Variants in ERBB4 observed in about 807,000 individuals in gnomAD.
ERBB4 encodes erb-b2 receptor tyrosine kinase 4.
ERBB4 carries 42 observed loss-of-function variants against 158.0 expected under a neutral mutation model. That is an observed-to-expected ratio of 0.27 (90% CI 0.21 to 0.34). The LOEUF (loss-of-function observed/expected upper bound fraction) is 0.34, where lower values mean the gene tolerates loss of function less well. Ranked by LOEUF, ERBB4 falls within the 10% of genes least tolerant of loss-of-function variation. ERBB4 has a pLI of 1.00. For synonymous variants in ERBB4, 583 were observed against 558.7 expected (o/e 1.04, Z -0.61); for missense variants, 1,333 against 1,624.1 (o/e 0.82, Z 3.08).
intron 20 of ERBB4, among the ~76,000 whole-genome samples, chr2:211,492,670 A>G (rs1023637900): frequency 4.6e-5 from 7 of 152,170 alleles, no homozygotes; most frequent in African/African-American, 1.7e-4. Flanking sequence ...AAAGTACATT[A>G]TGAGACCTTT....
intron 3 of ERBB4, among the ~76,000 whole-genome samples, chr2:211,839,076 A>T (rs1326447712): frequency 6.6e-6 from 1 of 151,290 alleles, no homozygotes; most frequent in Non-Finnish European, 1.5e-5. Context: ...CTTTTTACAT[A>T]ATGTGTCCCA....
At chr2:212,462,675 A>T (rs1050021979) in intron 1 of ERBB4, among the ~76,000 whole-genome samples, 2 of 152,164 alleles carry the variant, frequency 1.3e-5, no homozygotes, top group Non-Finnish European at 2.9e-5. Flanking sequence ...TAGTACAGGC[A>T]TTATGGAACA....
At chr2:211,960,698 T>C (rs974808801) in intron 2 of ERBB4, 32 of 152,230 alleles carry the variant, frequency 2.1e-4, no homozygotes, top group African/African-American at 7.5e-4. Context: ...AGTGTCTTGC[T>C]ATGTTTTCAC....
intron 3 of ERBB4, among the ~76,000 whole-genome samples, chr2:211,800,673 A>C (rs956669534): frequency 1.3e-5 from 2 of 150,926 alleles, no homozygotes; most frequent in African/African-American, 2.5e-5. Context: ...AAAAAAAAAA[A>C]AAAAAAACCT....
At chr2:211,812,444 G>A (rs2076779936) in intron 3 of ERBB4, among the ~76,000 whole-genome samples, 1 of 152,186 alleles carries the variant, frequency 6.6e-6, no homozygotes, top group Admixed American at 6.5e-5. Context: ...CCTGTATGAG[G>A]TGTTAGTCGG....
intron 2 of ERBB4, among the ~76,000 whole-genome samples, chr2:212,042,111 G>A (rs1485315048): frequency 1.3e-5 from 2 of 152,014 alleles, no homozygotes; most frequent in African/African-American, 2.4e-5. Context: ...CTCATAAGCT[G>A]TATTCAAAGC....
chr2:212,029,450 A>G (rs1207479690), intron 2 of ERBB4, among the ~76,000 whole-genome samples: 5 of 152,138 alleles, frequency 3.3e-5, no homozygotes, highest in Non-Finnish European at 7.4e-5. Flanking sequence ...AGTAACACCC[A>G]AACATAACTA....
chr2:211,538,392 T>A (rs557477127), intron 20 of ERBB4, among the ~76,000 whole-genome samples: 5 of 151,896 alleles, frequency 3.3e-5, no homozygotes, highest in African/African-American at 1.2e-4. Context: ...TCCTAAAATT[T>A]CTGTATTTGG....
intron 3 of ERBB4, among the ~76,000 whole-genome samples, chr2:211,899,449 T>G (rs187035228): frequency 6.6e-6 from 1 of 152,220 alleles, no homozygotes; most frequent in Non-Finnish European, 1.5e-5. Context: ...TTTTTTCTAA[T>G]AAAAGTTGAA....
At chr2:212,428,563 A>T (rs1188290594) in intron 1 of ERBB4, among the ~76,000 whole-genome samples, 2 of 152,196 alleles carry the variant, frequency 1.3e-5, no homozygotes, top group Non-Finnish European at 2.9e-5. Context: ...GTTTCAGTAA[A>T]GAAAAATTAA....
At chr2:212,249,947 A>G (rs867071379) in intron 1 of ERBB4, among the ~76,000 whole-genome samples, 9 of 152,160 alleles carry the variant, frequency 5.9e-5, no homozygotes, top group Middle Eastern at 6.8e-3. Flanking sequence ...AACCAAAATC[A>G]GTTGCACGAT....
chr2:211,812,679 G>A (rs2076786899), intron 3 of ERBB4, among the ~76,000 whole-genome samples: 1 of 152,208 alleles, frequency 6.6e-6, no homozygotes, highest in Admixed American at 6.5e-5. Context: ...GCCTTGCTGA[G>A]CTGCCGTGGG....
intron 20 of ERBB4, among the ~76,000 whole-genome samples, chr2:211,472,050 T>C (rs1024190824): frequency 1.3e-5 from 2 of 151,974 alleles, no homozygotes; most frequent in Non-Finnish European, 2.9e-5. Flanking sequence ...AACTTTTAAG[T>C]TGACAAAAGA....
intron 1 of ERBB4, among the ~76,000 whole-genome samples, chr2:212,344,906 A>G (rs1460714398): frequency 6.6e-6 from 1 of 152,152 alleles, no homozygotes; most frequent in Admixed American, 6.5e-5. Context: ...TCAAAATAAG[A>G]TAATGGTAGT....
rs1377805928 is a variant in ERBB4, at chr2:212,260,026, G to GCACTCCAGCCTAAGTGCACT, written c.83-135124_83-135123insAGTGCACTTAGGCTGGAGTG. On this transcript the variant is annotated intron_variant, in intron 1 of 27. Coordinates refer to ENST00000342788, the MANE Select transcript of ERBB4 (RefSeq NM_005235.3). ...AGAGGTTGCAGTGAACCGAGATCGTGCCATTGCACTCCAGCCTAAGTGACA... is the reference window on the plus strand; with the variant it reads ...AGAGGTTGCAGTGAACCGAGATCGTGCACTCCAGCCTAAGTGCACTCCATTGCACTCCAGCCTAAGTGACA... Among the ~76,000 whole-genome samples, 5 of 150,568 alleles carry GCACTCCAGCCTAAGTGCACT rather than the reference G, an allele frequency of 3.3e-5. No individual in the cohort carries two copies. In the East Asian group the frequency reaches 9.8e-4, roughly 30 times the overall value.
chr2:211,946,587 T>C lies in ERBB4; in HGVS notation c.421+843A>G, dbSNP rs1440677058. ...TACTAATTAGCTCTCTTTTTTTTTT[T>C]TTTTTTTTTTTTTTTTTTGAGATGG... On this transcript the variant is annotated intron_variant, in intron 3 of 27. Transcript: ENST00000342788. 3.6e-5 allele frequency among the ~76,000 whole-genome samples: 5 copies of C among 137,112 alleles called. No homozygotes were observed. In the South Asian group the frequency reaches 9.9e-4, roughly 27 times the overall value. 90.0% of individuals were successfully genotyped at this position (137,112 alleles called of 152,430 possible).
intron 12 of ERBB4, among the ~76,000 whole-genome samples, chr2:211,692,621 C>T (rs1250845030): frequency 6.6e-6 from 1 of 152,226 alleles, no homozygotes; most frequent in East Asian, 1.9e-4. Context: ...AGTGACATTG[C>T]TCCAACCTTT....
chr2:212,160,836 G>A (rs181556256), intron 1 of ERBB4, among the ~76,000 whole-genome samples: 3 of 151,888 alleles, frequency 2.0e-5, no homozygotes, highest in Non-Finnish European at 2.9e-5. Context: ...TGAGATATCC[G>A]CACAAATGTA....
intron 3 of ERBB4, among the ~76,000 whole-genome samples, chr2:211,881,832 C>T (rs966493959): frequency 3.6e-4 from 55 of 152,092 alleles, no homozygotes; most frequent in Middle Eastern, 3.2e-3. Context: ...TGTGTGTCTG[C>T]GCCCTTGATA....
Sources: allele counts gnomAD v4.1 joint callset (sites outside exome capture counted in the v4.1 genomes callset), GRCh38; gene constraint gnomAD v4.1.1; transcripts MANE v1.5; gene names NCBI Gene and HGNC (gene_info 2026-07-23, HGNC 2026-07-21).